CHST8: variants seen among roughly 807,000 people sequenced by gnomAD.
CHST8 encodes GALNAC-4-ST1.
A neutral mutation model predicts 15.0 loss-of-function variants in CHST8; 10 were observed. The observed-to-expected ratio is 0.67, with a 90% CI of 0.41 to 1.13. The LOEUF (loss-of-function observed/expected upper bound fraction) is 1.13. Ranked by LOEUF, CHST8 falls within the 50% of genes most tolerant of loss-of-function variation. The probability of loss-of-function intolerance (pLI) is 0.00; values close to 1 mark genes in which losing one functional copy is unlikely to be tolerated. For missense variants in CHST8, 634 were observed against 608.2 expected (o/e 1.04, Z -0.45); for synonymous variants, 259 against 256.6 (o/e 1.01, Z -0.09).
chr19:33,674,604 A>T (rs538623418), intron 2 of CHST8, among the ~76,000 whole-genome samples: 2 of 152,312 alleles, frequency 1.3e-5, no homozygotes, highest in East Asian at 3.9e-4. Context: ...AGGGGTCTCC[A>T]GAGTGATGCA....
rs771606949 is a variant in CHST8, at chr19:33,639,721, A to AG, written c.-164+17430dup. Among the ~76,000 whole-genome samples the AG allele has an allele frequency of 3.9e-5, 6 of 152,182 alleles. No individual in the cohort carries two copies. The East Asian group carries it at 1.2e-3, about 29-fold the overall frequency. The stretch of plus-strand genomic sequence containing the variant: ...TCTCAGGCTGATCCCCCTCCTCTGT[A>AG]GGGGGTCCTCAAACTGTTGGGGGCA... On this transcript the variant is annotated intron_variant, in intron 1 of 4. Coordinates refer to ENST00000650847, the MANE Select transcript of CHST8 (RefSeq NM_001127895.2).
chr19:33,639,922 CT>C (rs1972258814), intron 1 of CHST8, among the ~76,000 whole-genome samples: 1 of 151,452 alleles, frequency 6.6e-6, no homozygotes, highest in African/African-American at 2.4e-5. Context: ...TTACTGCAAC[CT>C]CCACCTCCCA....
chr19:33,743,462 C>T (rs1212693075), intron 3 of CHST8, among the ~76,000 whole-genome samples: 5 of 151,858 alleles, frequency 3.3e-5, no homozygotes, highest in Admixed American at 6.6e-5. Context: ...CCACCTCGCC[C>T]GGCTAATTTT....
intron 1 of CHST8, among the ~76,000 whole-genome samples, chr19:33,661,248 G>A (rs552980935): frequency 6.6e-6 from 1 of 152,356 alleles, no homozygotes; most frequent in South Asian, 2.1e-4. Flanking sequence ...GGAAGAAGGA[G>A]AGCAGGTTAC....
At chr19:33,729,970 A>G (rs1973966025) in intron 3 of CHST8, among the ~76,000 whole-genome samples, 1 of 152,220 alleles carries the variant, frequency 6.6e-6, no homozygotes, top group Non-Finnish European at 1.5e-5. Context: ...ATCCTTAAAC[A>G]AAAGCCTATG....
intron 3 of CHST8, among the ~76,000 whole-genome samples, chr19:33,743,818 G>A (rs1276082197): frequency 6.8e-6 from 1 of 146,740 alleles, no homozygotes; most frequent in African/African-American, 2.5e-5. Context: ...TTGAGATGGA[G>A]TCTCACTCTG....
intron 3 of CHST8, among the ~76,000 whole-genome samples, chr19:33,739,714 G>GT (rs912870412): frequency 2.0e-5 from 3 of 152,254 alleles, no homozygotes; most frequent in Admixed American, 6.5e-5. Context: ...GTGCCTGTCT[G>GT]TTTTTTTACA....
At chr19:33,716,276 T>C (rs1443173216) in intron 3 of CHST8, among the ~76,000 whole-genome samples, 1 of 152,230 alleles carries the variant, frequency 6.6e-6, no homozygotes, top group Non-Finnish European at 1.5e-5. Flanking sequence ...TTTGCTTCTT[T>C]TGATGTCTCT....
rs530347431 is a variant in CHST8, at chr19:33,705,024, T to C, written c.130+15633T>C. On this transcript the variant is annotated intron_variant, in intron 3 of 4. Coordinates refer to ENST00000650847, the MANE Select transcript of CHST8 (RefSeq NM_001127895.2). ...TTTTAACGTTAGATAATAGGTGATG[T>C]TTGGCACCTACTGTTGGTTGGATGG... Among the ~76,000 whole-genome samples, 8 of 152,196 alleles carry C rather than the reference T, an allele frequency of 5.3e-5. No individual in the cohort carries two copies. The South Asian group carries it at 1.7e-3, about 32-fold the overall frequency.
chr19:33,760,417 A>G (rs1345373426), intron 3 of CHST8, among the ~76,000 whole-genome samples: 5 of 151,564 alleles, frequency 3.3e-5, no homozygotes, highest in African/African-American at 1.2e-4. Flanking sequence ...GCTTGGACTC[A>G]ACTGATCCTC....
chr19:33,642,280 G>A (rs1972293860), intron 1 of CHST8, among the ~76,000 whole-genome samples: 1 of 151,770 alleles, frequency 6.6e-6, no homozygotes, highest in Non-Finnish European at 1.5e-5. Flanking sequence ...CCGTGGATGA[G>A]TGGGCAGCAG....
At position 33,772,956 on chromosome 19, in the gene CHST8, C is replaced by G. The variant is rs1196239022; in HGVS notation, c.1168C>G (p.Gln390Glu). ...GCGGACCACAGCGAGGATCGCCCACCAGTACTTCGCCCAACTCTCGGCCCT... is the reference window on the plus strand; with the variant it reads ...GCGGACCACAGCGAGGATCGCCCACGAGTACTTCGCCCAACTCTCGGCCCT... ...EARTTARIAH[Q>E]YFAQLSALQR... The change falls in exon 5 of 5, where the codon CAG (glutamine) becomes GAG (glutamate). Residue 390 changes from glutamine to glutamate, a missense_variant. Gln to Glu is a conservative substitution (Grantham distance 29). Coordinates refer to ENST00000650847, the MANE Select transcript of CHST8 (RefSeq NM_001127895.2). 6.2e-7 allele frequency: 1 copy of G among 1,613,624 alleles called. No individual in the cohort carries two copies. The highest frequency in any genetic ancestry group is 1.3e-5 in the African/African-American group (1 of 75,080).
At chr19:33,771,761 AC>A (rs1335435492) in intron 4 of CHST8, among the ~76,000 whole-genome samples, 195 bp from the exon 5 acceptor site, 1 of 151,948 alleles carries the variant, frequency 6.6e-6, no homozygotes, top group Non-Finnish European at 1.5e-5. Context: ...CCGAAATGAC[AC>A]TTACACCTCA....
At chr19:33,633,875 G>A (rs1032090507) in intron 1 of CHST8, among the ~76,000 whole-genome samples, 3 of 148,620 alleles carry the variant, frequency 2.0e-5, no homozygotes, top group Non-Finnish European at 1.5e-5. Flanking sequence ...CATGGCTCAC[G>A]GCAGCCTTGA....
chr19:33,652,004 A>C (rs79061710), intron 1 of CHST8, among the ~76,000 whole-genome samples: 4,670 of 152,250 alleles, frequency 0.031, 212 homozygotes, highest in African/African-American at 0.1. Flanking sequence ...GAGATGTGTT[A>C]AGATCTCTCA....
chr19:33,653,398 TTC>T (rs1287439476), intron 1 of CHST8, among the ~76,000 whole-genome samples: 4 of 152,182 alleles, frequency 2.6e-5, no homozygotes, highest in African/African-American at 9.7e-5. Context: ...TTTGTGACTT[TTC>T]TCTGTTTCAT....
In CHST8 at chr19:33,757,595, A is replaced by AGAAG. The variant is rs1974626436; in HGVS notation, c.131-13815_131-13814insGGAA. The stretch of plus-strand genomic sequence containing the variant: ...AAGAAAGAAAGAAAGAAAGAAAGAA[A>AGAAG]GAAAGAAAGAGCCGGCCATTCAGAA... On this transcript the variant is annotated intron_variant, in intron 3 of 4. Transcript: ENST00000650847. Among the ~76,000 whole-genome samples the AGAAG allele has an allele frequency of 2.1e-5, 3 of 144,918 alleles. 1 individual carries two copies. Among genetic ancestry groups the AGAAG allele is most frequent in the East Asian group, 2.0e-4 (1 of 4,964 alleles).
intron 1 of CHST8, among the ~76,000 whole-genome samples, chr19:33,641,990 G>C (rs912355878): frequency 1.2e-4 from 19 of 152,206 alleles, no homozygotes; most frequent in Non-Finnish European, 1.5e-5. Flanking sequence ...GAAGAATTTG[G>C]AGTCCAGAAC....
Position 33,691,161 on chromosome 19 carries a change from T to C in CHST8, c.130+1770T>C, listed in dbSNP as rs540068506. Among the ~76,000 whole-genome samples, 28 of 152,336 alleles carry C rather than the reference T, an allele frequency of 1.8e-4. 1 individual carries two copies. The highest frequency in any genetic ancestry group is 6.5e-4 in the African/African-American group (27 of 41,598). ...GCAGGTCCCTGTTGCCCTGCCCAGC[T>C]TCCCGAGTGCACATACGTGTGGATT... On this transcript the variant is annotated intron_variant, in intron 3 of 4. Transcript: ENST00000650847.
Sources: gnomAD v4.1 joint callset for allele counts (sites outside exome capture counted in the v4.1 genomes callset) on GRCh38, gnomAD v4.1.1 for gene constraint, MANE v1.5 for transcripts, NCBI Gene and HGNC (gene_info 2026-07-23, HGNC 2026-07-21) for gene names.